Variants in LRBA observed in about 807,000 individuals in gnomAD.
The protein encoded by LRBA is lipopolysaccharide-responsive and beige-like anchor protein.
In LRBA, 176 loss-of-function variants were observed where a neutral mutation model predicts 330.0. That is an observed-to-expected ratio of 0.53 (90% CI 0.47 to 0.60). LRBA has a LOEUF of 0.60. LRBA is among the 20% of genes least tolerant of loss of function. LRBA has a pLI of 0.00. For missense variants in LRBA, 3,259 were observed against 3,444.8 expected (o/e 0.95, Z 1.35); for synonymous variants, 1,230 against 1,193.0 (o/e 1.03, Z -0.64).
At chr4:150,588,910 G>C (rs1347149700) in intron 39 of LRBA, among the ~76,000 whole-genome samples, 3 of 152,096 alleles carry the variant, frequency 2.0e-5, no homozygotes, top group Non-Finnish European at 4.4e-5. Context: ...GCTTATCAAA[G>C]AGACAAATCA....
chr4:150,511,240 A>G (rs13111441), intron 40 of LRBA, among the ~76,000 whole-genome samples: 132,704 of 152,188 alleles, frequency 0.87, 58,684 homozygotes, highest in Non-Finnish European at 0.95. Flanking sequence ...AGACTATTTC[A>G]GTTAGCAGAG....
intron 35 of LRBA, among the ~76,000 whole-genome samples, chr4:150,755,161 G>A: frequency 6.6e-6 from 1 of 152,162 alleles, no homozygotes; most frequent in Non-Finnish European, 1.5e-5. Flanking sequence ...TGAAGAAAAA[G>A]GATGGAGCGG....
intron 37 of LRBA, among the ~76,000 whole-genome samples, chr4:150,634,285 G>A (rs2126682020): frequency 6.6e-6 from 1 of 152,192 alleles, no homozygotes; most frequent in South Asian, 2.1e-4. Context: ...CAGTAAATTT[G>A]TATCTGTTTT....
intron 37 of LRBA, among the ~76,000 whole-genome samples, chr4:150,664,511 T>G (rs527385229): frequency 7.9e-5 from 12 of 152,318 alleles, no homozygotes; most frequent in Non-Finnish European, 1.5e-4. Flanking sequence ...AGTGTGGATT[T>G]CATGCCACCG....
intron 37 of LRBA, among the ~76,000 whole-genome samples, chr4:150,639,516 T>C (rs1314915892): frequency 6.0e-5 from 8 of 132,756 alleles, no homozygotes; most frequent in Non-Finnish European, 9.4e-5. Context: ...GAGTGAATAA[T>C]AGAAATCTGC....
chr4:150,541,972 A>G (rs186403463), intron 40 of LRBA, among the ~76,000 whole-genome samples: 97 of 152,350 alleles, frequency 6.4e-4, no homozygotes, highest in African/African-American at 2.3e-3. Context: ...AAATACCTTG[A>G]AAGTAAATAA....
At chr4:150,390,131 G>A (rs867248093) in intron 47 of LRBA, among the ~76,000 whole-genome samples, 3 of 151,900 alleles carry the variant, frequency 2.0e-5, no homozygotes, top group Non-Finnish European at 4.4e-5. Context: ...TTATCACACC[G>A]ATTAAATAAA....
chr4:150,747,752 G>A (rs1279700329), intron 35 of LRBA, among the ~76,000 whole-genome samples: 4 of 152,096 alleles, frequency 2.6e-5, no homozygotes, highest in Non-Finnish European at 4.4e-5. Flanking sequence ...ATCCTCCGCT[G>A]CACTACCTAC....
chr4:150,876,751 A>G (rs905157053), intron 17 of LRBA, among the ~76,000 whole-genome samples: 2 of 152,212 alleles, frequency 1.3e-5, no homozygotes, highest in African/African-American at 4.8e-5. Flanking sequence ...ACTTACTACC[A>G]CAAAAATACA....
rs1240947644 is a variant in LRBA at position 150,639,837 on chromosome 4, A to ATGTG, written c.5922-40707_5922-40706insCACA. 1.1e-3 allele frequency among the ~76,000 whole-genome samples: 29 copies of ATGTG among 27,186 alleles called. 3 individuals carry two copies. The highest frequency in any genetic ancestry group is 2.7e-3 in the African/African-American group (29 of 10,846). 17.8% of individuals were successfully genotyped at this position (27,186 alleles called of 152,430 possible). A position where few individuals can be genotyped will look rare whatever the true frequency, so the allele number is the denominator to read the frequency against. ...TGTGTGTGTATATATATATATATAT[A>ATGTG]TATATATATATATATATATATATAT... On this transcript the variant is annotated intron_variant, in intron 37 of 56. Transcript: ENST00000651943.
chr4:150,578,800 T>C (rs1770856892), intron 40 of LRBA, among the ~76,000 whole-genome samples: 1 of 152,184 alleles, frequency 6.6e-6, no homozygotes, highest in African/African-American at 2.4e-5. Context: ...CTACCTGATA[T>C]CCAAAACAAA....
intron 35 of LRBA, among the ~76,000 whole-genome samples, chr4:150,743,566 C>A (rs969571161): frequency 6.6e-6 from 1 of 152,150 alleles, no homozygotes; most frequent in Non-Finnish European, 1.5e-5. Flanking sequence ...CAGGGGTCAG[C>A]AAATTAAGGC....
At chr4:150,710,791 C>G (rs778893311) in intron 36 of LRBA, among the ~76,000 whole-genome samples, 1 of 151,986 alleles carries the variant, frequency 6.6e-6, no homozygotes, top group Non-Finnish European at 1.5e-5. Flanking sequence ...GTACCAATAA[C>G]GTGAGGAAAG....
chr4:150,844,481 A>G (rs1328216632), intron 27 of LRBA, among the ~76,000 whole-genome samples, 177 bp downstream of exon 27: 1 of 151,556 alleles, frequency 6.6e-6, no homozygotes, highest in Non-Finnish European at 1.5e-5. Context: ...AGGTTTAAAT[A>G]TAAACAAATC....
chr4:150,798,407 A>G (rs1741110578), intron 33 of LRBA, among the ~76,000 whole-genome samples: 1 of 152,244 alleles, frequency 6.6e-6, no homozygotes, highest in Non-Finnish European at 1.5e-5. Flanking sequence ...CAATACTCAT[A>G]GAAATGTGCA....
intron 13 of LRBA, among the ~76,000 whole-genome samples, chr4:150,902,522 C>T (rs572516281): frequency 2.6e-5 from 4 of 152,158 alleles, no homozygotes; most frequent in South Asian, 2.1e-4. Flanking sequence ...GGGCATACAC[C>T]GAGTAAATGA....
chr4:150,754,404 T>A (rs1473445254), intron 35 of LRBA, among the ~76,000 whole-genome samples: 1 of 150,592 alleles, frequency 6.6e-6, no homozygotes, highest in Non-Finnish European at 1.5e-5. Context: ...TTATTCTAAA[T>A]CACCCAGAGA....
At chr4:150,461,710 A>G (rs1754800193) in intron 44 of LRBA, among the ~76,000 whole-genome samples, 1 of 151,854 alleles carries the variant, frequency 6.6e-6, no homozygotes, top group Non-Finnish European at 1.5e-5. Context: ...CATAGCCAAG[A>G]TAATTGGGTT....
chr4:150,962,713 G>C (rs1738287063), intron 2 of LRBA, among the ~76,000 whole-genome samples: 1 of 149,076 alleles, frequency 6.7e-6, no homozygotes, highest in Non-Finnish European at 1.5e-5. Context: ...CAGCACTTTG[G>C]GAGGCTGAGG....
Sources: allele counts gnomAD v4.1 joint callset (sites outside exome capture counted in the v4.1 genomes callset), GRCh38; gene constraint gnomAD v4.1.1; transcripts MANE v1.5; gene names NCBI Gene and HGNC (gene_info 2026-07-23, HGNC 2026-07-21).